The following KLF8 variants were observed in gnomAD, a reference collection of about 807,000 sequenced individuals.
KLF8 encodes the protein KLF transcription factor 8.
KLF8 carries 10 observed loss-of-function variants against 18.2 expected under a neutral mutation model. The observed-to-expected ratio is 0.55, with a 90% confidence interval of 0.34 to 0.93. The LOEUF (loss-of-function observed/expected upper bound fraction) is 0.93, where lower values mean the gene tolerates loss of function less well. KLF8 is among the 40% of genes least tolerant of loss of function. The pLI, the probability that KLF8 is intolerant of heterozygous loss-of-function variation, is 0.02. For missense variants in KLF8, 264 were observed against 277.9 expected, an observed-to-expected ratio of 0.95 and a Z score of 0.36; for synonymous variants, 109 against 97.3, an observed-to-expected ratio of 1.12 and a Z score of -0.71.
At chrX:56,200,136 A>G in the KLF8 span, among the ~76,000 whole-genome samples, 3 of 110,886 alleles carry the variant, frequency 2.7e-5, no homozygotes, top group East Asian at 8.5e-4. Context: ...AATGTAAATG[A>G]TGTGTTGATG....
the KLF8 span, among the ~76,000 whole-genome samples, chrX:55,988,820 C>G: frequency 8.9e-6 from 1 of 111,743 alleles, no homozygotes; most frequent in Non-Finnish European, 1.9e-5. Flanking sequence ...GATATTGATT[C>G]TCCCTACGCA....
chrX:56,085,657 C>T, the KLF8 span, among the ~76,000 whole-genome samples: 3 of 111,883 alleles, frequency 2.7e-5, no homozygotes, highest in Non-Finnish European at 5.6e-5. Flanking sequence ...ACTGGGCATC[C>T]CATGATTCAA....
the KLF8 span, among the ~76,000 whole-genome samples, chrX:56,138,807 T>G: frequency 9.0e-6 from 1 of 111,194 alleles, no homozygotes; most frequent in Non-Finnish European, 1.9e-5. Context: ...GTATGGGAAG[T>G]GCTAACCAGA....
At chrX:56,085,128 T>G in the KLF8 span, among the ~76,000 whole-genome samples, 1 of 111,932 alleles carries the variant, frequency 8.9e-6, no homozygotes, top group Non-Finnish European at 1.9e-5. Context: ...GAGAAACACT[T>G]GAAAATGAGC....
chrX:56,090,204 A>G, the KLF8 span, among the ~76,000 whole-genome samples: 45 of 112,198 alleles, frequency 4.0e-4, no homozygotes, highest in Admixed American at 2.2e-3. Flanking sequence ...AACTAACAAC[A>G]TGGGAGACAA....
chrX:56,036,019 A>G, the KLF8 span, among the ~76,000 whole-genome samples: 10,263 of 111,997 alleles, frequency 0.092, 1,143 homozygotes, highest in African/African-American at 0.32. Flanking sequence ...GTCAGATAGC[A>G]TGATGCTTCC....
chrX:55,949,796 AAAAAG>A, the KLF8 span, among the ~76,000 whole-genome samples: 22 of 110,308 alleles, frequency 2.0e-4, no homozygotes, highest in Admixed American at 3.9e-4. Context: ...TTTCAAAAAA[AAAAAG>A]AAAAGAAAAG....
chrX:56,251,334 A>T (rs58919621), intron 2 of KLF8, among the ~76,000 whole-genome samples: 1 of 112,060 alleles, frequency 8.9e-6, no homozygotes, highest in Non-Finnish European at 1.9e-5. Context: ...TTGAGTATAC[A>T]GTGTTGTATA....
At chrX:56,035,544 A>G in the KLF8 span, among the ~76,000 whole-genome samples, 2 of 112,003 alleles carry the variant, frequency 1.8e-5, no homozygotes, top group Admixed American at 1.9e-4. Flanking sequence ...AAAACTTCAT[A>G]CTGTTCATTA....
At chrX:56,221,701 C>T in the KLF8 span, among the ~76,000 whole-genome samples, 9 of 111,498 alleles carry the variant, frequency 8.1e-5, no homozygotes, top group South Asian at 3.1e-3. Flanking sequence ...TTCGTGGTCT[C>T]GCTGGCTTCC....
chrX:56,007,451 C>T, the KLF8 span, among the ~76,000 whole-genome samples: 3 of 111,455 alleles, frequency 2.7e-5, no homozygotes, highest in Non-Finnish European at 5.7e-5. Flanking sequence ...GAGGGCTTCT[C>T]CATGGCTAGG....
chrX:56,246,227 G>A (rs1368578711), intron 1 of KLF8, among the ~76,000 whole-genome samples: 4 of 111,679 alleles, frequency 3.6e-5, no homozygotes, highest in Non-Finnish European at 7.5e-5. Flanking sequence ...TTTTGAAGAT[G>A]GGCAGTTATA....
At chrX:56,250,168 A>G (rs766828415) in intron 1 of KLF8, 63 bp from the exon 2 acceptor site, 8 of 780,675 alleles carry the variant, frequency 1.0e-5, no homozygotes, top group African/African-American at 2.0e-5. Context: ...TTAATGGCAT[A>G]TTTATGCATA....
the KLF8 span, among the ~76,000 whole-genome samples, chrX:56,024,184 A>T: frequency 9.3e-6 from 1 of 107,894 alleles, no homozygotes; most frequent in Non-Finnish European, 1.9e-5. Context: ...TATCAATCTG[A>T]TGGTGAACAA....
the KLF8 span, among the ~76,000 whole-genome samples, chrX:56,102,437 C>T: frequency 7.2e-5 from 8 of 111,466 alleles, no homozygotes. Context: ...TATTGAGGCT[C>T]TATTTTGGTT....
the KLF8 span, among the ~76,000 whole-genome samples, chrX:56,080,212 G>C: frequency 9.1e-6 from 1 of 109,428 alleles, no homozygotes; most frequent in African/African-American, 3.3e-5. Flanking sequence ...TGGTTATTTT[G>C]CTCGTTAGTT....
chrX:56,143,042 A>G, the KLF8 span, among the ~76,000 whole-genome samples: 1 of 111,623 alleles, frequency 9.0e-6, no homozygotes, highest in African/African-American at 3.3e-5. Flanking sequence ...TGTCTCATGC[A>G]CAATAAAAGT....
At chrX:56,002,409 TTGTGTGTATGTG>T in the KLF8 span, among the ~76,000 whole-genome samples, 1,104 of 69,151 alleles carry the variant, frequency 0.016, 8 homozygotes, top group South Asian at 0.041. Flanking sequence ...ATTAATCAAT[TTGTGTGTATGTG>T]TGTGTGTGTG....
the KLF8 span, among the ~76,000 whole-genome samples, chrX:56,123,844 G>T: frequency 8.9e-6 from 1 of 111,834 alleles, no homozygotes; most frequent in Admixed American, 9.5e-5. Context: ...ATTTAATGAA[G>T]CATGTCCTAT....
Sources: allele counts gnomAD v4.1 joint callset (sites outside exome capture counted in the v4.1 genomes callset), GRCh38; gene constraint gnomAD v4.1.1; transcripts MANE v1.5; gene names NCBI Gene and HGNC (gene_info 2026-07-23, HGNC 2026-07-21).